CCDC180: variants seen among roughly 807,000 people sequenced by gnomAD.
CCDC180 encodes the protein coiled-coil domain containing 180.
In CCDC180, 154 loss-of-function variants were observed where a neutral mutation model predicts 209.2. That is an observed-to-expected ratio of 0.74 (90% CI 0.65 to 0.84). The LOEUF is 0.84. Ranked by LOEUF, CCDC180 falls within the 40% of genes least tolerant of loss-of-function variation. The probability of loss-of-function intolerance (pLI) is 0.00; values close to 1 mark genes in which losing one functional copy is unlikely to be tolerated. For missense variants in CCDC180, 1,874 were observed against 1,997.3 expected, an observed-to-expected ratio of 0.94 and a Z score of 1.18; for synonymous variants, 778 against 749.1, an observed-to-expected ratio of 1.04 and a Z score of -0.63.
intron 20 of CCDC180, among the ~76,000 whole-genome samples, chr9:97,348,257 G>A (rs1403049563): frequency 6.6e-6 from 1 of 152,082 alleles, no homozygotes; most frequent in Non-Finnish European, 1.5e-5. Context: ...CCTATTCCTG[G>A]AGCAGGGAAA....
chr9:97,345,492 C>A, intron 19 of CCDC180: 1 of 373,728 alleles, frequency 2.7e-6, no homozygotes, highest in Non-Finnish European at 5.1e-6. Flanking sequence ...ACTCATTGGG[C>A]CATTTGGTTA....
At chr9:97,323,702 C>A (rs1833432412) in intron 12 of CCDC180, 79 bp from the exon 13 acceptor site, 3 of 1,471,166 alleles carry the variant, frequency 2.0e-6, no homozygotes, top group East Asian at 5.0e-5. Context: ...TTGTGCAACG[C>A]TGAGGCCTGT....
intron 18 of CCDC180, among the ~76,000 whole-genome samples, chr9:97,341,929 C>G (rs533768683): frequency 1.3e-5 from 2 of 152,298 alleles, no homozygotes; most frequent in East Asian, 1.9e-4. Flanking sequence ...CCTCACAGTT[C>G]GATCTCAGAC....
In CCDC180 at chr9:97,330,743, GC is replaced by G; in HGVS notation, c.2251del (p.Gln751LysfsTer16). On this transcript the variant is annotated frameshift_variant, in exon 18 of 37. Transcript: ENST00000529487. LOFTEE classifies it high-confidence loss of function. ...EKEEKEAQEEQESLSVGEEED... is the reference protein window; with the variant it reads ...EKEEKEAQEEXESLSVGEEED... ...AGGAGGAGAAGGAGGCACAGGAAGA[GC>G]AAGAGAGTTTATCTGTGGGTGAGGT... 1 of 1,601,664 alleles carries G rather than the reference GC, an allele frequency of 6.2e-7. No homozygotes were observed. Among genetic ancestry groups the G allele is most frequent in the South Asian group, 1.1e-5 (1 of 90,570 alleles).
In CCDC180 at chr9:97,337,998, A is replaced by C. The variant is rs1423135981; in HGVS notation, c.2275-5342A>C. On this transcript the variant is annotated intron_variant, in intron 18 of 36. Coordinates refer to ENST00000529487, the MANE Select transcript of CCDC180 (RefSeq NM_020893.6). ...TGATGGTAGTTTGTATTTCTGTGGG[A>C]TAGGTGGTGATATCCCCTTTATCAT... 4.6e-5 allele frequency among the ~76,000 whole-genome samples: 7 copies of C among 152,048 alleles called. No individual in the cohort carries two copies. In the South Asian group the frequency reaches 1.5e-3, roughly 32 times the overall value.
chr9:97,350,091 G>A (rs904346388), intron 21 of CCDC180, among the ~76,000 whole-genome samples: 1 of 152,044 alleles, frequency 6.6e-6, no homozygotes, highest in African/African-American at 2.4e-5. Context: ...TGTGCAGCTG[G>A]GCACTGCTTG....
chr9:97,346,764 T>TG (rs1196096955), intron 19 of CCDC180, among the ~76,000 whole-genome samples: 4 of 152,084 alleles, frequency 2.6e-5, no homozygotes, highest in Non-Finnish European at 5.9e-5. Context: ...TTTATAGAGA[T>TG]GGGGGTCTCA....
chr9:97,375,396 G>A, intron 35 of CCDC180, 58 bp from the exon 36 acceptor site: 2 of 1,606,684 alleles, frequency 1.2e-6, no homozygotes, highest in South Asian at 1.1e-5. Context: ...AGGGTTGGTA[G>A]GTGGATTATG....
At chr9:97,312,252 C>A in intron 4 of CCDC180, 51 bp downstream of exon 4, 1 of 1,527,376 alleles carries the variant, frequency 6.5e-7, no homozygotes, top group Non-Finnish European at 9.1e-7. Context: ...CAGGATGAGA[C>A]CTGGGCAGGA....
chr9:97,352,172 C>T (rs1293992563), intron 22 of CCDC180, among the ~76,000 whole-genome samples: 2 of 152,090 alleles, frequency 1.3e-5, no homozygotes, highest in South Asian at 2.1e-4. Context: ...AACAGATTAA[C>T]GGGAAACCAA....
At chr9:97,351,432 T>G (rs1826417443) in intron 22 of CCDC180, among the ~76,000 whole-genome samples, 1 of 152,246 alleles carries the variant, frequency 6.6e-6, no homozygotes, top group Non-Finnish European at 1.5e-5. Context: ...CCTTTCCATG[T>G]GTTTATTGGC....
intron 19 of CCDC180, among the ~76,000 whole-genome samples, chr9:97,345,415 G>A (rs924888088): frequency 2.0e-5 from 3 of 152,192 alleles, no homozygotes; most frequent in African/African-American, 7.2e-5. Flanking sequence ...TATAGTTATA[G>A]TGGTGTTTCA....
At chr9:97,333,812 T>A (rs976080855) in intron 18 of CCDC180, among the ~76,000 whole-genome samples, 2 of 150,010 alleles carry the variant, frequency 1.3e-5, no homozygotes, top group African/African-American at 4.9e-5. Context: ...TTTTCATTTT[T>A]AAAACATTTT....
At chr9:97,311,712 A>AGGATG (rs1212328684) in intron 3 of CCDC180, among the ~76,000 whole-genome samples, 2 of 152,226 alleles carry the variant, frequency 1.3e-5, no homozygotes, top group African/African-American at 4.8e-5. Flanking sequence ...AGTACGTCAT[A>AGGATG]GGATGGGCTG....
chr9:97,339,794 C>A (rs1414700470), intron 18 of CCDC180, among the ~76,000 whole-genome samples: 1 of 152,210 alleles, frequency 6.6e-6, no homozygotes, highest in Non-Finnish European at 1.5e-5. Context: ...TTCAGGTACA[C>A]CAGTCAAACA....
chr9:97,352,891 G>T (rs1336792295), intron 22 of CCDC180, among the ~76,000 whole-genome samples: 3 of 150,704 alleles, frequency 2.0e-5, no homozygotes, highest in Non-Finnish European at 4.4e-5. Context: ...TATTCATTGA[G>T]TTTTCAATTT....
rs555351453 is a variant in CCDC180, at chr9:97,357,593, T to G, written c.3265-34T>G. 4 of 1,429,134 alleles carry G rather than the reference T, an allele frequency of 2.8e-6. No homozygotes were observed. The East Asian group carries it at 6.8e-5, about 24-fold the overall frequency. 88.5% of individuals were successfully genotyped at this position (1,429,134 alleles called of 1,614,324 possible). A position where few individuals can be genotyped will look rare whatever the true frequency, so the allele number is the denominator to read the frequency against. The stretch of plus-strand genomic sequence containing the variant: ...GTTTCCCAGATCACAATATGTATTC[T>G]AGAAACAAAATCTCGGAACCTCTGG... On this transcript the variant is annotated intron_variant, in intron 24 of 36. Transcript: ENST00000529487.
At position 97,330,125 on chromosome 9, in the gene CCDC180, C is replaced by G. The variant is rs371305248; in HGVS notation, c.1789-29C>G. 3 of 1,596,242 alleles carry G rather than the reference C, an allele frequency of 1.9e-6. No homozygotes were observed. The African/African-American group carries it at 4.0e-5, about 22-fold the overall frequency. ...ACTCTGAAGAAAGGCAGTGCAGGTCCTTCAGTGACTCTTGGTTTTTCCTTG... is the reference window on the plus strand; with the variant it reads ...ACTCTGAAGAAAGGCAGTGCAGGTCGTTCAGTGACTCTTGGTTTTTCCTTG... On this transcript the variant is annotated intron_variant, in intron 16 of 36. Transcript: ENST00000529487.
intron 22 of CCDC180, among the ~76,000 whole-genome samples, chr9:97,351,831 G>A (rs1826429142): frequency 6.6e-6 from 1 of 152,154 alleles, no homozygotes; most frequent in South Asian, 2.1e-4. Context: ...AATAAAACAA[G>A]GCCAGGCACA....
Sources: allele counts gnomAD v4.1 joint callset (sites outside exome capture counted in the v4.1 genomes callset), GRCh38; gene constraint gnomAD v4.1.1; transcripts MANE v1.5; gene names NCBI Gene and HGNC (gene_info 2026-07-23, HGNC 2026-07-21).